AGPS: variants seen among roughly 807,000 people sequenced by gnomAD.
AGPS encodes the protein alkyldihydroxyacetonephosphate synthase, peroxisomal.
A neutral mutation model predicts 90.7 loss-of-function variants in AGPS; 26 were observed. That is an observed-to-expected ratio of 0.29 (90% confidence interval 0.21 to 0.40). The LOEUF (loss-of-function observed/expected upper bound fraction) is 0.40. AGPS is among the 10% of genes least tolerant of loss of function. AGPS has a pLI of 1.00. For missense variants in AGPS, 540 were observed against 816.1 expected (o/e 0.66, Z 4.12); for synonymous variants, 294 against 285.3 (o/e 1.03, Z -0.31).
At chr2:177,464,441 G>A (rs1687389020) in intron 9 of AGPS, among the ~76,000 whole-genome samples, 1 of 152,160 alleles carries the variant, frequency 6.6e-6, no homozygotes, top group African/African-American at 2.4e-5. Flanking sequence ...TTTAATTAAA[G>A]CACAGTAACG....
At chr2:177,420,642 T>A (rs1025046165) in intron 2 of AGPS, among the ~76,000 whole-genome samples, 3 of 151,524 alleles carry the variant, frequency 2.0e-5, no homozygotes, top group East Asian at 1.9e-4. Flanking sequence ...TAGCAAAAAA[T>A]TTTTATTTAG....
chr2:177,428,405 C>T (rs1252331927), intron 2 of AGPS, among the ~76,000 whole-genome samples: 1 of 152,112 alleles, frequency 6.6e-6, no homozygotes, highest in Admixed American at 6.5e-5. Flanking sequence ...TATGTGGTTG[C>T]TTCATAGTGT....
intron 19 of AGPS, among the ~76,000 whole-genome samples, chr2:177,536,429 T>G (rs2105745734): frequency 6.6e-6 from 1 of 151,508 alleles, no homozygotes; most frequent in South Asian, 2.1e-4. Context: ...AAAAATCCTG[T>G]GGAGCAAATC....
Position 177,482,120 on chromosome 2 carries a change from G to C in AGPS, c.1167G>C (p.Lys389Asn). 1.2e-6 allele frequency: 2 copies of C among 1,605,694 alleles called. No individual in the cohort carries two copies. The highest frequency in any genetic ancestry group is 1.7e-4 in the Middle Eastern group (1 of 6,008). ...TCAGACCAGTCCCTGAATACCAAAA[G>C]TATGGCTCAGTAGCTTTCCCTAATT... ...IKIRPVPEYQ[K>N]YGSVAFPNFE... Residue 389 changes from lysine (K) to asparagine (N), a missense_variant, in exon 11 of 20, where the codon AAG becomes AAC. Physicochemically the swap from Lys to Asn is moderately conservative, Grantham distance 94. Coordinates refer to ENST00000264167, the MANE Select transcript of AGPS (RefSeq NM_003659.4).
intron 10 of AGPS, among the ~76,000 whole-genome samples, chr2:177,474,777 G>A (rs914297856): frequency 1.3e-5 from 2 of 152,156 alleles, no homozygotes; most frequent in African/African-American, 4.8e-5. Flanking sequence ...TCCATTCATT[G>A]AATATACCCT....
chr2:177,496,069 T>A (rs1688405249), intron 12 of AGPS, among the ~76,000 whole-genome samples: 1 of 152,190 alleles, frequency 6.6e-6, no homozygotes, highest in Non-Finnish European at 1.5e-5. Context: ...GTATCACTTT[T>A]ACAATAATTT....
intron 14 of AGPS, among the ~76,000 whole-genome samples, chr2:177,502,625 T>G (rs1435708189): frequency 2.0e-5 from 3 of 151,766 alleles, no homozygotes; most frequent in African/African-American, 7.3e-5. Flanking sequence ...GAGATGGGGT[T>G]TTGCCATGTT....
intron 1 of AGPS, among the ~76,000 whole-genome samples, chr2:177,401,265 C>T (rs1382579116): frequency 6.6e-6 from 1 of 152,192 alleles, no homozygotes; most frequent in African/African-American, 2.4e-5. Context: ...TCTCATATCT[C>T]ATAGTGTTAA....
chr2:177,396,942 C>CTTTTCT (rs1553504874), intron 1 of AGPS, among the ~76,000 whole-genome samples: 1 of 140,554 alleles, frequency 7.1e-6, no homozygotes, highest in African/African-American at 2.6e-5. Context: ...TTTTTCTTTT[C>CTTTTCT]TTTTTTTTTT....
intron 1 of AGPS, among the ~76,000 whole-genome samples, chr2:177,409,580 G>A (rs1685561715): frequency 6.6e-6 from 1 of 152,046 alleles, no homozygotes; most frequent in African/African-American, 2.4e-5. Flanking sequence ...CTCAGTCTCG[G>A]CTCTCAACAG....
At chr2:177,491,652 A>C (rs1465556553) in intron 11 of AGPS, among the ~76,000 whole-genome samples, 1 of 150,652 alleles carries the variant, frequency 6.6e-6, no homozygotes, top group Non-Finnish European at 1.5e-5. Flanking sequence ...GATATGTTTT[A>C]TGAATAGTGT....
At chr2:177,449,680 G>A (rs576892186) in intron 8 of AGPS, among the ~76,000 whole-genome samples, 2 of 152,102 alleles carry the variant, frequency 1.3e-5, no homozygotes, top group Non-Finnish European at 2.9e-5. Context: ...GCCCACCTTG[G>A]CCTTCCAAAG....
intron 9 of AGPS, among the ~76,000 whole-genome samples, 188 bp from the exon 10 acceptor site, chr2:177,468,228 G>A (rs947480568): frequency 1.3e-5 from 2 of 151,916 alleles, no homozygotes; most frequent in African/African-American, 4.8e-5. Flanking sequence ...CTCTTTTAAG[G>A]TTATATACAA....
At chr2:177,450,241 T>A (rs918310922) in intron 8 of AGPS, among the ~76,000 whole-genome samples, 2 of 152,214 alleles carry the variant, frequency 1.3e-5, no homozygotes, top group African/African-American at 4.8e-5. Context: ...TTTGCAAATA[T>A]TTTCTTTCAG....
chr2:177,444,559 AT>A (rs1686712613), intron 7 of AGPS, among the ~76,000 whole-genome samples: 1 of 152,202 alleles, frequency 6.6e-6, no homozygotes, highest in Non-Finnish European at 1.5e-5. Context: ...AACGCTGTGA[AT>A]TAAGCAGTGC....
chr2:177,488,227 T>C (rs1688152441), intron 11 of AGPS, among the ~76,000 whole-genome samples: 1 of 152,042 alleles, frequency 6.6e-6, no homozygotes, highest in African/African-American at 2.4e-5. Context: ...TTTTTTTTTT[T>C]TTTGAGACGG....
At chr2:177,426,174 C>T in intron 2 of AGPS, among the ~76,000 whole-genome samples, 1 of 152,138 alleles carries the variant, frequency 6.6e-6, no homozygotes, top group Middle Eastern at 3.2e-3. Flanking sequence ...GGAGTTCATT[C>T]ATGATTTGGC....
chr2:177,515,603 A>C (rs1030339417), intron 17 of AGPS, among the ~76,000 whole-genome samples: 11 of 152,200 alleles, frequency 7.2e-5, no homozygotes, highest in Non-Finnish European at 1.5e-4. Context: ...GCCTTAGGGC[A>C]CATTCTGTAA....
chr2:177,489,561 A>G (rs747855079), intron 11 of AGPS, among the ~76,000 whole-genome samples: 1 of 152,218 alleles, frequency 6.6e-6, no homozygotes, highest in South Asian at 2.1e-4. Flanking sequence ...CAATTTGACT[A>G]AGTCAGTCTT....
Sources: gnomAD v4.1 joint callset for allele counts (sites outside exome capture counted in the v4.1 genomes callset) on GRCh38, gnomAD v4.1.1 for gene constraint, MANE v1.5 for transcripts, NCBI Gene and HGNC (gene_info 2026-07-23, HGNC 2026-07-21) for gene names.